Variants in SLC24A2 observed in about 807,000 individuals in gnomAD.
SLC24A2 encodes solute carrier family 24 member 2.
SLC24A2 carries 36 observed loss-of-function variants against 62.0 expected under a neutral mutation model. The ratio of observed to expected loss-of-function variants is 0.58; its 90% CI spans 0.44 to 0.77. The LOEUF (loss-of-function observed/expected upper bound fraction) is 0.77, where lower values mean the gene tolerates loss of function less well. Ranked by LOEUF, SLC24A2 falls within the 30% of genes least tolerant of loss-of-function variation. SLC24A2 has a pLI of 0.00. For synonymous variants in SLC24A2, 358 were observed against 294.0 expected (o/e 1.22, Z -2.23); for missense variants, 846 against 817.9 (o/e 1.03, Z -0.42).
chr9:19,727,743 G>GA (rs1821213125), intron 2 of SLC24A2, among the ~76,000 whole-genome samples: 1 of 152,142 alleles, frequency 6.6e-6, no homozygotes, highest in Admixed American at 6.5e-5. Context: ...AGAAGACTCT[G>GA]AAAAAATATC....
chr9:20,220,447 G>A, the SLC24A2 span, among the ~76,000 whole-genome samples: 1 of 152,138 alleles, frequency 6.6e-6, no homozygotes, highest in African/African-American at 2.4e-5. Flanking sequence ...TGGGTAAGCA[G>A]GAGATCCCAG....
chr9:19,978,024 G>C, the SLC24A2 span, among the ~76,000 whole-genome samples: 1 of 152,200 alleles, frequency 6.6e-6, no homozygotes, highest in East Asian at 1.9e-4. Flanking sequence ...CCTGAGGGGT[G>C]TCTTGGTAAC....
the SLC24A2 span, among the ~76,000 whole-genome samples, chr9:19,918,343 T>A: frequency 6.6e-6 from 1 of 151,910 alleles, no homozygotes; most frequent in African/African-American, 2.4e-5. Context: ...TTTGTTGTTG[T>A]TTTGTGCTAT....
At chr9:20,137,314 G>T in the SLC24A2 span, among the ~76,000 whole-genome samples, 2 of 152,154 alleles carry the variant, frequency 1.3e-5, no homozygotes, top group African/African-American at 4.8e-5. Context: ...TGTCTCCACT[G>T]CTCAATACTT....
the SLC24A2 span, among the ~76,000 whole-genome samples, chr9:20,233,855 T>C: frequency 6.6e-6 from 1 of 152,216 alleles, no homozygotes; most frequent in Non-Finnish European, 1.5e-5. Context: ...GTTTTTGCAG[T>C]GGCTGGTACT....
the SLC24A2 span, among the ~76,000 whole-genome samples, chr9:20,235,355 G>C: frequency 0.023 from 3,578 of 152,332 alleles, 145 homozygotes; most frequent in African/African-American, 0.08. Flanking sequence ...AGGCCTCCTT[G>C]AGCTGTGGTG....
intron 2 of SLC24A2, among the ~76,000 whole-genome samples, chr9:19,648,607 G>C (rs548055017): frequency 6.6e-6 from 1 of 152,310 alleles, no homozygotes; most frequent in East Asian, 1.9e-4. Flanking sequence ...CAGAATAGGA[G>C]ACTATTTTTA....
intron 8 of SLC24A2, among the ~76,000 whole-genome samples, chr9:19,546,003 C>T (rs564667357): frequency 1.4e-4 from 21 of 152,328 alleles, no homozygotes; most frequent in Non-Finnish European, 2.4e-4. Context: ...CCACTCCAGA[C>T]CCTGTTTGCC....
chr9:19,918,581 G>A, the SLC24A2 span, among the ~76,000 whole-genome samples: 1 of 152,050 alleles, frequency 6.6e-6, no homozygotes, highest in Non-Finnish European at 1.5e-5. Context: ...AGCTCTAAAG[G>A]TGAGATGCAG....
At chr9:19,892,697 T>C in the SLC24A2 span, among the ~76,000 whole-genome samples, 1 of 150,692 alleles carries the variant, frequency 6.6e-6, no homozygotes, top group Non-Finnish European at 1.5e-5. Context: ...GGATCAACTG[T>C]TGTTTTTTTT....
chr9:19,841,225 A>G, the SLC24A2 span, among the ~76,000 whole-genome samples: 1 of 152,180 alleles, frequency 6.6e-6, no homozygotes, highest in East Asian at 1.9e-4. Flanking sequence ...GAGACTAAAA[A>G]TAAGTAAGAC....
At chr9:19,741,391 C>A (rs1025334114) in intron 2 of SLC24A2, among the ~76,000 whole-genome samples, 1 of 152,094 alleles carries the variant, frequency 6.6e-6, no homozygotes, top group African/African-American at 2.4e-5. Flanking sequence ...TTTTGGGATT[C>A]GTCCCAGAGG....
chr9:20,079,153 A>T, the SLC24A2 span, among the ~76,000 whole-genome samples: 1 of 149,272 alleles, frequency 6.7e-6, no homozygotes, highest in Non-Finnish European at 1.5e-5. Context: ...ACACAGCAGC[A>T]GAGGTTGGAG....
chr9:20,068,057 C>CTTTTTTTTTTTTTTTT, the SLC24A2 span, among the ~76,000 whole-genome samples: 1 of 89,750 alleles, frequency 1.1e-5, no homozygotes. Context: ...TTTTTTGACT[C>CTTTTTTTTTTTTTTTT]TTTTTTTTTT....
intron 8 of SLC24A2, among the ~76,000 whole-genome samples, chr9:19,541,930 C>T (rs374316721): frequency 6.6e-6 from 1 of 152,222 alleles, no homozygotes; most frequent in Non-Finnish European, 1.5e-5. Context: ...TCAAGCCGGT[C>T]TGAAAAGCGC....
chr9:19,787,036 A>C lies in SLC24A2; in HGVS notation c.-153-17T>G. 7.3e-7 allele frequency: 1 copy of C among 1,365,166 alleles called. No individual in the cohort carries two copies. The allele number at this position is 1,365,166 out of a possible 1,614,324, so 84.6% of individuals were successfully genotyped here. On this transcript the variant is annotated splice_polypyrimidine_tract_variant and intron_variant, in intron 1 of 10. Transcript: ENST00000341998. ...TCATTTATGCTTAAATAAAAATAAA[A>C]ACGAGAATAAGTAAATCATAAAATC...
chr9:19,859,694 G>A, the SLC24A2 span, among the ~76,000 whole-genome samples: 1 of 152,152 alleles, frequency 6.6e-6, no homozygotes, highest in Non-Finnish European at 1.5e-5. Flanking sequence ...AGACACTGAA[G>A]AGGTACAAAA....
the SLC24A2 span, among the ~76,000 whole-genome samples, chr9:19,949,780 A>G: frequency 6.6e-6 from 1 of 152,208 alleles, no homozygotes; most frequent in East Asian, 1.9e-4. Context: ...GATTAGAACA[A>G]CACCTAGTGG....
chr9:19,731,859 G>A (rs756109720), intron 2 of SLC24A2, among the ~76,000 whole-genome samples: 10 of 152,280 alleles, frequency 6.6e-5, no homozygotes, highest in Non-Finnish European at 1.3e-4. Context: ...CACACATACT[G>A]GAACTGTGTT....
Sources: allele counts gnomAD v4.1 joint callset (sites outside exome capture counted in the v4.1 genomes callset), GRCh38; gene constraint gnomAD v4.1.1; transcripts MANE v1.5; gene names NCBI Gene and HGNC (gene_info 2026-07-23, HGNC 2026-07-21).